NKAIN2: variants seen among roughly 807,000 people sequenced by gnomAD.
NKAIN2 encodes sodium/potassium-transporting ATPase subunit beta-1-interacting protein 2.
In NKAIN2, 14 loss-of-function variants were observed where a neutral mutation model predicts 32.6. The observed-to-expected ratio is 0.43, with a 90% CI of 0.28 to 0.67. The LOEUF is 0.67. Ranked by LOEUF, NKAIN2 falls within the 30% of genes least tolerant of loss-of-function variation. The probability of loss-of-function intolerance (pLI) is 0.17; values close to 1 mark genes in which losing one functional copy is unlikely to be tolerated. For synonymous variants in NKAIN2, 80 were observed against 87.2 expected (o/e 0.92, Z 0.46); for missense variants, 198 against 258.3 (o/e 0.77, Z 1.60).
chr6:124,780,160 G>T (rs1044260523), intron 4 of NKAIN2, among the ~76,000 whole-genome samples: 4 of 152,136 alleles, frequency 2.6e-5, no homozygotes, highest in African/African-American at 9.7e-5. Flanking sequence ...ATCAGAACAG[G>T]TGTGGCCTGG....
intron 3 of NKAIN2, among the ~76,000 whole-genome samples, chr6:124,360,960 T>C (rs1799262570): frequency 6.6e-6 from 1 of 152,188 alleles, no homozygotes; most frequent in Non-Finnish European, 1.5e-5. Flanking sequence ...ATTCCTCATA[T>C]AGCTTCATTA....
At chr6:123,913,568 T>G (rs887842293) in intron 1 of NKAIN2, among the ~76,000 whole-genome samples, 1 of 152,208 alleles carries the variant, frequency 6.6e-6, no homozygotes, top group African/African-American at 2.4e-5. Flanking sequence ...GCAACTGCCC[T>G]TTGGTATTCA....
chr6:124,669,110 C>T (rs1019743144), intron 4 of NKAIN2, among the ~76,000 whole-genome samples: 2 of 152,102 alleles, frequency 1.3e-5, no homozygotes, highest in Admixed American at 1.3e-4. Flanking sequence ...GACAACTTAT[C>T]ACCAGGATAG....
intron 3 of NKAIN2, among the ~76,000 whole-genome samples, chr6:124,550,051 G>C (rs1780234096): frequency 6.6e-6 from 1 of 152,138 alleles, no homozygotes; most frequent in Non-Finnish European, 1.5e-5. Context: ...GGTGGATCTT[G>C]TCTGGGGCAA....
chr6:124,171,229 T>G (rs1017520051), intron 1 of NKAIN2, among the ~76,000 whole-genome samples: 1 of 152,140 alleles, frequency 6.6e-6, no homozygotes, highest in East Asian at 1.9e-4. Flanking sequence ...TGTTTTGTTT[T>G]GGGAGCTAAA....
rs574481521 is a variant in NKAIN2, at chr6:124,490,756, G to T, written c.273+135409G>T. Among the ~76,000 whole-genome samples the T allele has an allele frequency of 5.6e-4, 85 of 151,814 alleles. 2 individuals are homozygous for T. The highest frequency in any genetic ancestry group is 3.4e-3 in the Middle Eastern group (1 of 292). On this transcript the variant is annotated intron_variant, in intron 3 of 6. Transcript: ENST00000368417. ...TAGAAATTGATAGTATTTAGTAAAA[G>T]AGAACACAGTGTAATACAATTAGAA... is the stretch of plus-strand genomic sequence containing the variant.
intron 1 of NKAIN2, among the ~76,000 whole-genome samples, chr6:124,218,608 T>G (rs1791612749): frequency 6.6e-6 from 1 of 152,150 alleles, no homozygotes; most frequent in Admixed American, 6.6e-5. Context: ...AAAACAACAA[T>G]ATTTTAAAAA....
intron 3 of NKAIN2, among the ~76,000 whole-genome samples, chr6:124,385,596 G>T (rs1227295584): frequency 2.0e-5 from 3 of 152,198 alleles, no homozygotes; most frequent in South Asian, 2.1e-4. Context: ...ATCCTTGTTT[G>T]CCCAGTTCAG....
Position 124,167,987 on chromosome 6 carries a change from A to G in NKAIN2, c.55-115018A>G, listed in dbSNP as rs920186864. On this transcript the variant is annotated intron_variant, in intron 1 of 6. Transcript: ENST00000368417. ...CTAACCATTTCCTTCTCTTTTGAGA[A>G]TCCAAAACCCATGTGGTACCCACAT... 1.1e-4 allele frequency among the ~76,000 whole-genome samples: 16 copies of G among 152,184 alleles called. 1 individual carries two copies. The highest frequency in any genetic ancestry group is 3.9e-4 in the African/African-American group (16 of 41,452).
At chr6:124,345,300 TG>T (rs1798352645) in intron 2 of NKAIN2, among the ~76,000 whole-genome samples, 1 of 152,324 alleles carries the variant, frequency 6.6e-6, no homozygotes, top group Middle Eastern at 3.4e-3. Flanking sequence ...TTCTCTTTTT[TG>T]GTTGTGTCTC....
At chr6:124,361,431 T>A (rs1035343803) in intron 3 of NKAIN2, among the ~76,000 whole-genome samples, 6 of 152,014 alleles carry the variant, frequency 3.9e-5, no homozygotes, top group African/African-American at 1.4e-4. Flanking sequence ...AACAATAAAC[T>A]TATAGAGCGT....
intron 1 of NKAIN2, among the ~76,000 whole-genome samples, chr6:123,811,680 A>G (rs890038466): frequency 5.9e-5 from 9 of 152,062 alleles, no homozygotes; most frequent in Admixed American, 5.9e-4. Context: ...AAAAGTTAAC[A>G]TCTTTACAGT....
intron 2 of NKAIN2, among the ~76,000 whole-genome samples, chr6:124,326,895 T>A (rs1797440384): frequency 6.6e-6 from 1 of 152,160 alleles, no homozygotes; most frequent in Admixed American, 6.5e-5. Context: ...CAGCTCCCCT[T>A]AGTGACCTTA....
At chr6:124,030,335 C>T (rs1781352988) in intron 1 of NKAIN2, among the ~76,000 whole-genome samples, 2 of 152,098 alleles carry the variant, frequency 1.3e-5, no homozygotes, top group African/African-American at 4.8e-5. Flanking sequence ...GAAACCCATC[C>T]CTGGTGCCAA....
chr6:124,691,655 A>T (rs1421408189), intron 4 of NKAIN2, among the ~76,000 whole-genome samples: 1 of 152,088 alleles, frequency 6.6e-6, no homozygotes, highest in Non-Finnish European at 1.5e-5. Flanking sequence ...ATACCTCTTT[A>T]AAAGTCTACT....
At chr6:124,068,386 A>T (rs75513667) in intron 1 of NKAIN2, among the ~76,000 whole-genome samples, 2 of 152,064 alleles carry the variant, frequency 1.3e-5, no homozygotes, top group Non-Finnish European at 2.9e-5. Context: ...ATTTCAGCCA[A>T]TGATTATATG....
intron 1 of NKAIN2, among the ~76,000 whole-genome samples, chr6:123,875,675 A>C (rs1773137765): frequency 6.6e-6 from 1 of 151,974 alleles, no homozygotes; most frequent in South Asian, 2.1e-4. Context: ...TTTCTTTTGT[A>C]GTTTTATCCC....
chr6:123,957,527 AAATT>A (rs1777650712), intron 1 of NKAIN2, among the ~76,000 whole-genome samples: 1 of 152,206 alleles, frequency 6.6e-6, no homozygotes, highest in African/African-American at 2.4e-5. Flanking sequence ...TAGATCAAAC[AAATT>A]AATTTTGAAA....
At chr6:124,548,758 C>G (rs935570496) in intron 3 of NKAIN2, among the ~76,000 whole-genome samples, 4 of 152,048 alleles carry the variant, frequency 2.6e-5, no homozygotes, top group African/African-American at 9.7e-5. Context: ...AAGGAGCACA[C>G]AGTAAATCAC....
Sources: gnomAD v4.1 joint callset for allele counts (sites outside exome capture counted in the v4.1 genomes callset) on GRCh38, gnomAD v4.1.1 for gene constraint, MANE v1.5 for transcripts, NCBI Gene and HGNC (gene_info 2026-07-23, HGNC 2026-07-21) for gene names.